The following MARCHF11 variants were observed in gnomAD, a reference collection of about 807,000 sequenced individuals.
MARCHF11 encodes E3 ubiquitin-protein ligase MARCHF11.
In MARCHF11, 29 loss-of-function variants were observed where a neutral mutation model predicts 37.3. The observed-to-expected ratio is 0.78, with a 90% CI of 0.58 to 1.06. The LOEUF (loss-of-function observed/expected upper bound fraction) is 1.06, where lower values mean the gene tolerates loss of function less well. MARCHF11 is among the 50% of genes least tolerant of loss of function. The pLI, the probability that MARCHF11 is intolerant of heterozygous loss-of-function variation, is 0.00. For missense variants in MARCHF11, 482 were observed against 533.4 expected (o/e 0.90, Z 0.95); for synonymous variants, 233 against 228.0 (o/e 1.02, Z -0.20).
chr5:16,148,379 C>T (rs35908931), intron 2 of MARCHF11, among the ~76,000 whole-genome samples: 34,556 of 152,024 alleles, frequency 0.23, 4,088 homozygotes, highest in South Asian at 0.31. Context: ...GGATTTTCCT[C>T]GTCTCTTTCC....
At position 16,179,469 on chromosome 5, in the gene MARCHF11, G is replaced by A. The variant is rs1738433263; in HGVS notation, c.107C>T (p.Pro36Leu). 8.8e-7 allele frequency: 1 copy of A among 1,130,062 alleles called. No homozygotes were observed. Among genetic ancestry groups the A allele is most frequent in the Non-Finnish European group, 1.1e-6 (1 of 923,854 alleles). 70.0% of individuals were successfully genotyped at this position (1,130,062 alleles called of 1,614,324 possible). Reference sequence around the variant, plus strand: ...CGCGGGGACCGGGGCCGGCTCTCCCGGCGGCGGCGTCGGCGGCGGCGGCGG... The same window carrying A: ...CGCGGGGACCGGGGCCGGCTCTCCCAGCGGCGGCGTCGGCGGCGGCGGCGG... Reference protein sequence around the residue: ...PPPPPPPTPPPGEPAPVPAAP... With the variant: ...PPPPPPPTPPLGEPAPVPAAP... The change falls in exon 1 of 4, where the codon CCG (proline) becomes CTG (leucine). Residue 36 changes from proline to leucine, a missense_variant. Coordinates refer to ENST00000332432, the MANE Select transcript of MARCHF11 (RefSeq NM_001102562.3).
At chr5:16,077,688 C>T (rs188404864) in intron 3 of MARCHF11, among the ~76,000 whole-genome samples, 6 of 152,226 alleles carry the variant, frequency 3.9e-5, no homozygotes, top group African/African-American at 1.2e-4. Flanking sequence ...TATAAAAATG[C>T]TCAGACAGTA....
intron 2 of MARCHF11, among the ~76,000 whole-genome samples, chr5:16,139,456 T>C (rs138252164): frequency 6.6e-6 from 1 of 152,290 alleles, no homozygotes; most frequent in Non-Finnish European, 1.5e-5. Flanking sequence ...TATGTCTTTG[T>C]AGCACTATTA....
At chr5:16,078,154 T>C (rs753524516) in intron 3 of MARCHF11, among the ~76,000 whole-genome samples, 7 of 152,214 alleles carry the variant, frequency 4.6e-5, no homozygotes, top group South Asian at 4.1e-4. Context: ...GTGGGTCATC[T>C]TACTCATTAC....
At chr5:16,137,045 CAAAT>C (rs1318719535) in intron 2 of MARCHF11, among the ~76,000 whole-genome samples, 2 of 151,882 alleles carry the variant, frequency 1.3e-5, no homozygotes, top group East Asian at 1.9e-4. Flanking sequence ...AATAATAAAA[CAAAT>C]AACATAAAAT....
intron 3 of MARCHF11, among the ~76,000 whole-genome samples, chr5:16,072,086 A>G (rs1736449580): frequency 6.6e-6 from 1 of 152,134 alleles, no homozygotes; most frequent in African/African-American, 2.4e-5. Flanking sequence ...CAGCCTCCTG[A>G]GTAGCTAGGA....
intron 2 of MARCHF11, among the ~76,000 whole-genome samples, chr5:16,154,848 C>T (rs1579416174): frequency 6.6e-6 from 1 of 151,758 alleles, no homozygotes; most frequent in African/African-American, 2.4e-5. Flanking sequence ...TTTCTGTATT[C>T]CTGAGGATGG....
chr5:16,108,354 C>G (rs1579386205), intron 2 of MARCHF11, among the ~76,000 whole-genome samples: 1 of 152,204 alleles, frequency 6.6e-6, no homozygotes, highest in African/African-American at 2.4e-5. Flanking sequence ...AGAGCCACAC[C>G]CCTGTCGCAT....
intron 2 of MARCHF11, among the ~76,000 whole-genome samples, chr5:16,142,574 T>C (rs1175647882): frequency 6.6e-6 from 1 of 152,070 alleles, no homozygotes; most frequent in East Asian, 1.9e-4. Context: ...TGGTGAGCTG[T>C]ACAGTCTTGT....
At chr5:16,129,332 T>G (rs1437177528) in intron 2 of MARCHF11, 1 of 152,188 alleles carries the variant, frequency 6.6e-6, no homozygotes, top group Non-Finnish European at 1.5e-5. Context: ...ATGTTTTCTG[T>G]CATCTTCTCA....
intron 2 of MARCHF11, among the ~76,000 whole-genome samples, chr5:16,108,550 G>A (rs1260847327): frequency 4.6e-5 from 7 of 152,172 alleles, no homozygotes; most frequent in Non-Finnish European, 8.8e-5. Flanking sequence ...AGGGATTGTG[G>A]GAGGCAGAAC....
In MARCHF11 at chr5:16,177,840, C is replaced by T. The variant is rs114849718; in HGVS notation, c.579G>A (p.Arg193=). ...LNPCRCDGSV[R]YTHQLCLLKW... is the part of the protein sequence containing the mutation. ...TTAGCAGGCACAGCTGATGTGTATA[C>T]CGAACTGACCCATCACATCGGCAGG... The change falls in exon 2 of 4, where the codon CGG becomes CGA. Residue 193 remains arginine (R), a synonymous_variant. Transcript: ENST00000332432. The T allele has an allele frequency of 5.6e-3, 9,090 of 1,612,804 alleles. 32 individuals carry two copies. Among genetic ancestry groups the T allele is most frequent in the Non-Finnish European group, 6.9e-3 (8,179 of 1,179,348 alleles).
At chr5:16,096,235 T>A (rs1736866469) in intron 2 of MARCHF11, among the ~76,000 whole-genome samples, 1 of 152,204 alleles carries the variant, frequency 6.6e-6, no homozygotes, top group Non-Finnish European at 1.5e-5. Context: ...GCAAAAGCAG[T>A]CCAACAAAGT....
At chr5:16,107,270 T>G (rs1430745698) in intron 2 of MARCHF11, among the ~76,000 whole-genome samples, 1 of 152,126 alleles carries the variant, frequency 6.6e-6, no homozygotes. Flanking sequence ...CAAGCGTTGC[T>G]TAAAGTGAAG....
chr5:16,111,645 A>G (rs1737138706), intron 2 of MARCHF11, among the ~76,000 whole-genome samples: 1 of 152,174 alleles, frequency 6.6e-6, no homozygotes, highest in South Asian at 2.1e-4. Flanking sequence ...AAGAAAACCC[A>G]TTTTCTGAGG....
At chr5:16,084,989 A>AGTGTGTGTGTGT (rs530675511) in intron 3 of MARCHF11, among the ~76,000 whole-genome samples, 12 of 128,670 alleles carry the variant, frequency 9.3e-5, no homozygotes, top group African/African-American at 2.9e-4. Context: ...CAGGGATCAG[A>AGTGTGTGTGTGT]GTGAGTGTGT....
chr5:16,163,850 C>CTAA (rs1282314536), intron 2 of MARCHF11, among the ~76,000 whole-genome samples: 2 of 152,002 alleles, frequency 1.3e-5, no homozygotes, highest in Admixed American at 1.3e-4. Context: ...GGATTAGGGC[C>CTAA]TTTATAAAAG....
In MARCHF11 at chr5:16,091,072, T is replaced by C. The variant is rs1736784469; in HGVS notation, c.703A>G (p.Ile235Val). The change falls in exon 3 of 4, where the codon ATT becomes GTT. Residue 235 changes from isoleucine (I) to valine (V), a missense_variant. Physicochemically the swap from Ile to Val is conservative, Grantham distance 29 (BLOSUM62 3). Transcript: ENST00000332432. ...ACTTTCTCAACCAGTGTTATAGAAATGCTCTGCCACTAAAAGAAAAACAGA... is the reference window on the plus strand; with the variant it reads ...ACTTTCTCAACCAGTGTTATAGAAACGCTCTGCCACTAAAAGAAAAACAGA... ...KMKQPCQWQSISITLVEKVQM... is the reference protein window; with the variant it reads ...KMKQPCQWQSVSITLVEKVQM... The C allele has an allele frequency of 4.4e-6, 7 of 1,583,790 alleles. No homozygotes were observed. Among genetic ancestry groups the C allele is most frequent in the Non-Finnish European group, 6.0e-6 (7 of 1,164,412 alleles).
chr5:16,079,925 C>T (rs1460032709), intron 3 of MARCHF11, among the ~76,000 whole-genome samples: 1 of 152,106 alleles, frequency 6.6e-6, no homozygotes, highest in African/African-American at 2.4e-5. Context: ...CTCTTCAGTC[C>T]CAGGGACATC....
Sources: allele counts gnomAD v4.1 joint callset (sites outside exome capture counted in the v4.1 genomes callset), GRCh38; gene constraint gnomAD v4.1.1; transcripts MANE v1.5; gene names NCBI Gene and HGNC (gene_info 2026-07-23, HGNC 2026-07-21).